ATG2A: variants seen among roughly 807,000 people sequenced by gnomAD.
ATG2A encodes the protein autophagy-related protein 2 homolog A.
ATG2A carries 103 observed loss-of-function variants against 214.2 expected under a neutral mutation model. The observed-to-expected ratio is 0.48, with a 90% CI of 0.41 to 0.57. The LOEUF is 0.57. Ranked by LOEUF, ATG2A falls within the 20% of genes least tolerant of loss-of-function variation. ATG2A has a pLI of 0.00. For synonymous variants in ATG2A, 1,160 were observed against 1,142.1 expected (o/e 1.02, Z -0.32); for missense variants, 2,312 against 2,613.2 (o/e 0.88, Z 2.51).
chr11:64,912,288 T>TGCCCCCCCCCCCCCCCCC, intron 7 of ATG2A, 39 bp from the exon 8 acceptor site: 1 of 1,471,374 alleles, frequency 6.8e-7, no homozygotes, highest in Non-Finnish European at 9.4e-7. Flanking sequence ...TGGCTGGCCC[T>TGCCCCCCCCCCCCCCCCC]CCCAGCCACC....
chr11:64,909,094 T>G lies in ATG2A; in HGVS notation c.2261A>C (p.Glu754Ala). The change falls in exon 16 of 41, where the codon GAG becomes GCG. Residue 754 changes from glutamate to alanine, a missense_variant. Transcript: ENST00000377264. Reference sequence around the variant, plus strand: ...TGACAGCTCCAGTTCCTCTCCCTTCTCCGGGGCCACCTCCCACTGTGTGCT... The same window carrying G: ...TGACAGCTCCAGTTCCTCTCCCTTCGCCGGGGCCACCTCCCACTGTGTGCT... Reference protein sequence around the residue: ...SSSTQWEVAPEKGEELELSVE... With the variant: ...SSSTQWEVAPAKGEELELSVE... The G allele has an allele frequency of 6.2e-7, 1 of 1,613,114 alleles. No individual in the cohort carries two copies.
chr11:64,904,551 A>T (rs1259873801), intron 24 of ATG2A, among the ~76,000 whole-genome samples: 6 of 152,248 alleles, frequency 3.9e-5, no homozygotes, highest in Admixed American at 2.6e-4. Context: ...CTCAAAAAAA[A>T]AAAATAAATA....
At position 64,895,513 on chromosome 11, in the gene ATG2A, G is replaced by A; in HGVS notation, c.5428-71C>T. On this transcript the variant is annotated intron_variant, in intron 39 of 40. Transcript: ENST00000377264. This position sits in a 1 kb window ranked among gnomAD's most constrained non-coding sequence, Gnocchi z 5.0. ...ACGTCAGCCCCAGGCCCCCAGGACA[G>A]TCTGAGACCCCACCAGCCCTCAGCC... 1.4e-6 allele frequency: 2 copies of A among 1,440,180 alleles called. No individual in the cohort carries two copies. Among genetic ancestry groups the A allele is most frequent in the Non-Finnish European group, 1.8e-6 (2 of 1,092,146 alleles). 89.2% of individuals were successfully genotyped at this position (1,440,180 alleles called of 1,614,324 possible). A position where few individuals can be genotyped will look rare whatever the true frequency, so the allele number is the denominator to read the frequency against.
In ATG2A at chr11:64,914,384, C is replaced by T. The variant is rs1321907728; in HGVS notation, c.288G>A (p.Val96=). The change falls in exon 2 of 41, where the codon GTG becomes GTA. Residue 96 remains valine (V), a synonymous_variant. Coordinates refer to ENST00000377264, the MANE Select transcript of ATG2A (RefSeq NM_015104.3). ...WAALLTDHCT[V]RVSGLQLTLQ... is the part of the protein sequence containing the mutation. ...AGGTGAGCTGGAGGCCGGACACGCG[C>T]ACTGTGCAGTGGTCGGTGAGCAGAG... 6.2e-7 allele frequency: 1 copy of T among 1,611,500 alleles called. No homozygotes were observed. The highest frequency in any genetic ancestry group is 1.7e-5 in the Admixed American group (1 of 59,788).
chr11:64,910,505 G>A, intron 12 of ATG2A, 111 bp downstream of exon 12: 1 of 1,279,346 alleles, frequency 7.8e-7, no homozygotes, highest in East Asian at 2.5e-5. Flanking sequence ...GAGAGATGTG[G>A]AGCACAGGGG....
chr11:64,910,292 G>C (rs1453545737), intron 12 of ATG2A, 97 bp from the exon 13 acceptor site: 26 of 1,476,474 alleles, frequency 1.8e-5, no homozygotes, highest in Non-Finnish European at 2.1e-5. Flanking sequence ...GCTGGGGCAG[G>C]GGCCACGAGA....
Position 64,901,039 on chromosome 11 carries a change from C to T in ATG2A, c.4173G>A (p.Val1391=), listed in dbSNP as rs751902967. The T allele has an allele frequency of 1.1e-5, 18 of 1,587,582 alleles. No homozygotes were observed. In the East Asian group the frequency reaches 2.8e-4, roughly 24 times the overall value. The change falls in exon 30 of 41, where the codon GTG becomes GTA. Residue 1391 remains valine, a synonymous_variant. Transcript: ENST00000377264. ...TCGGCCGTGAGAAGTAACCGTCCCTCACAACGATGGGGCCGGGATGCAGCT... is the reference window on the plus strand; with the variant it reads ...TCGGCCGTGAGAAGTAACCGTCCCTTACAACGATGGGGCCGGGATGCAGCT... ...VTQLHPGPIV[V]RDGYFSRPIG...
At chr11:64,909,420 C>A (rs1944677890) in intron 14 of ATG2A, 53 bp from the exon 15 acceptor site, 2 of 1,563,744 alleles carry the variant, frequency 1.3e-6, no homozygotes, top group Admixed American at 3.4e-5. Flanking sequence ...TTTCCTATTT[C>A]TTCCCCAATG....
Position 64,903,317 on chromosome 11 carries a change from T to A in ATG2A, c.3583A>T (p.Thr1195Ser). 6.2e-7 allele frequency: 1 copy of A among 1,613,960 alleles called. No individual in the cohort carries two copies. Among genetic ancestry groups the A allele is most frequent in the Non-Finnish European group, 8.5e-7 (1 of 1,179,980 alleles). ...DVDLLELVIK[T>S]WKGSTEGKLS... is the part of the protein sequence containing the mutation. ...TTGCCCTCGGTGCTCCCTTTCCAGGTTTTAATCACAAGTTCCAAGAGGTCA... is the reference window on the plus strand; with the variant it reads ...TTGCCCTCGGTGCTCCCTTTCCAGGATTTAATCACAAGTTCCAAGAGGTCA... The change falls in exon 26 of 41, where the codon ACC (threonine) becomes TCC (serine). Residue 1195 changes from threonine to serine, a missense_variant. Transcript: ENST00000377264. This position sits in a 1 kb window ranked among gnomAD's most constrained non-coding sequence, Gnocchi z 4.2.
Position 64,906,184 on chromosome 11 carries a change from C to A in ATG2A, c.3193G>T (p.Val1065Leu). Residue 1065 changes from valine to leucine, a missense_variant, in exon 22 of 41, where the codon GTG becomes TTG. Val to Leu is a conservative substitution (Grantham distance 32, BLOSUM62 1). Coordinates refer to ENST00000377264, the MANE Select transcript of ATG2A (RefSeq NM_015104.3). ...DPHKNVKEFL[V>L]TLRLHKATLR... Reference sequence around the variant, plus strand: ...GTGGCTTTGTGCAACCGCAGTGTCACCAGGAACTCCTGAGGGTGGGGGCGC... The same window carrying A: ...GTGGCTTTGTGCAACCGCAGTGTCAACAGGAACTCCTGAGGGTGGGGGCGC... 6.2e-7 allele frequency: 1 copy of A among 1,610,260 alleles called. No individual in the cohort carries two copies. The highest frequency in any genetic ancestry group is 8.5e-7 in the Non-Finnish European group (1 of 1,178,624).
rs552608473 is a variant in ATG2A at position 64,912,119 on chromosome 11, G to A, written c.1053C>T (p.Pro351=). ...CCAGGTTGAGAAGGGGGTTGGTAAG[G>A]GGGTCTGGGCTGAGGGGCTCAGCCA... ...GAVAEPLSPD[P]LTNPLLNLDN... is the part of the protein sequence containing the mutation. Residue 351 remains proline, a synonymous_variant, in exon 8 of 41, where the codon CCC becomes CCT. Coordinates refer to ENST00000377264, the MANE Select transcript of ATG2A (RefSeq NM_015104.3). 1.2e-6 allele frequency: 2 copies of A among 1,613,836 alleles called. No homozygotes were observed. The highest frequency in any genetic ancestry group is 1.3e-5 in the African/African-American group (1 of 75,058).
At chr11:64,897,136 G>T (rs958254513) in intron 37 of ATG2A, 9 of 619,858 alleles carry the variant, frequency 1.5e-5, no homozygotes, top group Non-Finnish European at 1.9e-5. Flanking sequence ...TCCTGCCTCA[G>T]CCTCCTGAGT....
chr11:64,896,333 C>G (rs2136535260), intron 39 of ATG2A, 129 bp downstream of exon 39: 1 of 1,352,034 alleles, frequency 7.4e-7, no homozygotes, highest in African/African-American at 1.5e-5. Flanking sequence ...GGCTGTTTCT[C>G]TATAAAGTAG....
In ATG2A at chr11:64,907,373, C is replaced by T. The variant is rs764650395; in HGVS notation, c.2714G>A (p.Gly905Glu). 19 of 1,563,724 alleles carry T rather than the reference C, an allele frequency of 1.2e-5. No individual in the cohort carries two copies. In the Middle Eastern group the frequency reaches 2.0e-3, roughly 164 times the overall value. Residue 905 changes from glycine to glutamate, a missense_variant, in exon 19 of 41, where the codon GGG (glycine) becomes GAG (glutamate). Coordinates refer to ENST00000377264, the MANE Select transcript of ATG2A (RefSeq NM_015104.3). ...DDEDAHFFSV[G>E]ASGGPQAAAP... The stretch of plus-strand genomic sequence containing the variant: ...AGCGGCCTGTGGGCCACCTGATGCC[C>T]CCACTGAGAAGAAGTGGGCATCCTC...
intron 24 of ATG2A, 63 bp downstream of exon 24, chr11:64,905,500 C>T (rs760718928): frequency 2.8e-5 from 42 of 1,485,166 alleles, no homozygotes; most frequent in Admixed American, 9.7e-5. Flanking sequence ...AGAGGACACA[C>T]AGCTGGCAGG....
Position 64,913,959 on chromosome 11 carries a change from G to A in ATG2A, c.488-36C>T. 1 of 1,606,772 alleles carries A rather than the reference G, an allele frequency of 6.2e-7. No homozygotes were observed. Among genetic ancestry groups the A allele is most frequent in the Non-Finnish European group, 8.5e-7 (1 of 1,176,048 alleles). ...GGGGAGGGGTCTCAGGTCAGGTAGA[G>A]CAGCAAAGGGGAGGCAGAATTTCCC... On this transcript the variant is annotated intron_variant, in intron 3 of 40. Transcript: ENST00000377264. This position sits in a 1 kb window ranked among gnomAD's most constrained non-coding sequence, Gnocchi z 4.3.
chr11:64,897,024 C>CTTTT lies in ATG2A; in HGVS notation c.5151-159_5151-156dup, dbSNP rs879757149. 1.0e-5 allele frequency: 9 copies of CTTTT among 893,810 alleles called. No individual in the cohort carries two copies. In the African/African-American group the frequency reaches 1.2e-4, roughly 12 times the overall value. 55.4% of individuals were successfully genotyped at this position (893,810 alleles called of 1,614,324 possible). ...CAGTCATGTGCAGAGGGACTGTGTC[C>CTTTT]TTTTTTTTTTTTTTTAGATGGAGTC... is the stretch of plus-strand genomic sequence containing the variant. On this transcript the variant is annotated intron_variant, in intron 37 of 40. Coordinates refer to ENST00000377264, the MANE Select transcript of ATG2A (RefSeq NM_015104.3).
rs1944539304 is a variant in ATG2A, at chr11:64,906,167, G to C, written c.3210C>G (p.His1070Gln). The C allele has an allele frequency of 1.9e-6, 3 of 1,607,370 alleles. No individual in the cohort carries two copies. The highest frequency in any genetic ancestry group is 1.3e-5 in the African/African-American group (1 of 74,946). The change falls in exon 22 of 41, where the codon CAC (histidine) becomes CAG (glutamine). Residue 1070 changes from histidine (H) to glutamine (Q), a missense_variant. Transcript: ENST00000377264. ...CCATGTAGTGGCGCAAGGTGGCTTT[G>C]TGCAACCGCAGTGTCACCAGGAACT... ...VKEFLVTLRLHKATLRHYMAL... is the reference protein window; with the variant it reads ...VKEFLVTLRLQKATLRHYMAL...
chr11:64,910,375 A>G (rs1944723576), intron 12 of ATG2A, among the ~76,000 whole-genome samples, 180 bp from the exon 13 acceptor site: 1 of 152,224 alleles, frequency 6.6e-6, no homozygotes, highest in Admixed American at 6.5e-5. Flanking sequence ...GCCACCCGAC[A>G]TGCGCCACTC....
Sources: gnomAD v4.1 joint callset for allele counts (sites outside exome capture counted in the v4.1 genomes callset) on GRCh38, gnomAD v4.1.1 for gene constraint, Gnocchi (gnomAD v3.1) non-coding constraint, MANE v1.5 for transcripts, NCBI Gene and HGNC (gene_info 2026-07-23, HGNC 2026-07-21) for gene names.